Variants in ZDHHC17 observed in about 807,000 individuals in gnomAD.
ZDHHC17 encodes zDHHC palmitoyltransferase 17.
In ZDHHC17, 40 loss-of-function variants were observed where a neutral mutation model predicts 90.3. That is an observed-to-expected ratio of 0.44 (90% CI 0.34 to 0.58). ZDHHC17 has a LOEUF of 0.58. ZDHHC17 is among the 20% of genes least tolerant of loss of function. The probability of loss-of-function intolerance (pLI) is 0.01; values close to 1 mark genes in which losing one functional copy is unlikely to be tolerated. For missense variants in ZDHHC17, 614 were observed against 780.8 expected (o/e 0.79, Z 2.55); for synonymous variants, 235 against 252.4 (o/e 0.93, Z 0.65).
intron 1 of ZDHHC17, among the ~76,000 whole-genome samples, chr12:76,786,834 A>T (rs1390552420): frequency 6.6e-6 from 1 of 152,200 alleles, no homozygotes; most frequent in South Asian, 2.1e-4. Flanking sequence ...TAATTCTGTT[A>T]CTTCCTTCCT....
intron 1 of ZDHHC17, among the ~76,000 whole-genome samples, chr12:76,774,590 A>G (rs1315956497): frequency 1.3e-5 from 2 of 152,128 alleles, no homozygotes; most frequent in Admixed American, 6.5e-5. Context: ...ACATTCTTCT[A>G]CTTAGTAGAG....
intron 1 of ZDHHC17, among the ~76,000 whole-genome samples, chr12:76,767,305 A>C (rs901659431): frequency 6.6e-6 from 1 of 152,238 alleles, no homozygotes; most frequent in Non-Finnish European, 1.5e-5. Context: ...CTCTCACACA[A>C]AAACAGTTTT....
At position 76,764,663 on chromosome 12, in the gene ZDHHC17, C is replaced by T. The variant is rs144913876; in HGVS notation, c.93+334C>T. On this transcript the variant is annotated intron_variant, in intron 1 of 16. Transcript: ENST00000426126. ...GTGGTTTTTGAACCGCAGCTTAGAC[C>T]CTAGTCTTGCTCCAAGCCTCTTGGG... 1.2e-3 allele frequency: 620 copies of T among 518,548 alleles called. 5 individuals carry two copies. Among genetic ancestry groups the T allele is most frequent in the Admixed American group, 2.7e-3 (116 of 42,456 alleles). The allele number at this position is 518,548 out of a possible 1,614,324, so 32.1% of individuals were successfully genotyped here.
chr12:76,781,802 A>G, intron 1 of ZDHHC17: 1 of 390,230 alleles, frequency 2.6e-6, no homozygotes. Context: ...ATGTAATACC[A>G]TTTAGCAATT....
intron 12 of ZDHHC17, chr12:76,844,884 G>A (rs1953475620): frequency 6.6e-6 from 1 of 152,076 alleles, no homozygotes; most frequent in Admixed American, 6.6e-5. Context: ...TCTAGCATTA[G>A]GACTGCCAGC....
intron 9 of ZDHHC17, 130 bp downstream of exon 9, chr12:76,827,180 T>C: frequency 4.0e-6 from 4 of 995,934 alleles, no homozygotes; most frequent in Non-Finnish European, 4.0e-6. Flanking sequence ...GACATCTGTA[T>C]GTGAAATATG....
chr12:76,783,535 G>A (rs1049978128), intron 1 of ZDHHC17, among the ~76,000 whole-genome samples: 3 of 152,210 alleles, frequency 2.0e-5, no homozygotes, highest in Admixed American at 1.3e-4. Context: ...CAGGTGCTTC[G>A]CACAACACCT....
intron 1 of ZDHHC17, chr12:76,769,137 C>T: frequency 2.7e-6 from 1 of 376,518 alleles, no homozygotes; most frequent in South Asian, 1.8e-5. Flanking sequence ...CGGCTTACTG[C>T]AACCTCAGCC....
At chr12:76,789,207 A>G (rs926882147) in intron 1 of ZDHHC17, among the ~76,000 whole-genome samples, 8 of 152,222 alleles carry the variant, frequency 5.3e-5, no homozygotes, top group African/African-American at 1.4e-4. Flanking sequence ...GAAATATTAA[A>G]TGAGTTAAAG....
intron 1 of ZDHHC17, among the ~76,000 whole-genome samples, chr12:76,784,795 G>A (rs557651901): frequency 1.1e-4 from 17 of 152,134 alleles, no homozygotes. Flanking sequence ...GTCTTTACTA[G>A]TACGATCCTG....
In ZDHHC17 at chr12:76,797,551, TGTA is replaced by T. The variant is rs2137745945; in HGVS notation, c.197+17_197+19del. ...CAAGGCTACACAGTAAGGTTTTTGTTGTAGTTGTTTTCTTTGGCATGTGTATTT... is the reference window on the plus strand; with the variant it reads ...CAAGGCTACACAGTAAGGTTTTTGTTGTTGTTTTCTTTGGCATGTGTATTT... On this transcript the variant is annotated intron_variant, in intron 2 of 16. Transcript: ENST00000426126. 3 of 1,558,780 alleles carry T rather than the reference TGTA, an allele frequency of 1.9e-6. No individual in the cohort carries two copies. Among genetic ancestry groups the T allele is most frequent in the East Asian group, 4.6e-5 (2 of 43,736 alleles).
chr12:76,767,760 A>G (rs1184134153), intron 1 of ZDHHC17, among the ~76,000 whole-genome samples: 1 of 152,180 alleles, frequency 6.6e-6, no homozygotes, highest in African/African-American at 2.4e-5. Flanking sequence ...TCTCTATTAA[A>G]AATACAAAAT....
At position 76,787,254 on chromosome 12, in the gene ZDHHC17, T is replaced by C. The variant is rs373362358; in HGVS notation, c.94-10180T>C. The stretch of plus-strand genomic sequence containing the variant: ...AGAGTGAAGGTCACTTTCATAATAT[T>C]ATCATCAACTAGGAGATACATAAAA... On this transcript the variant is annotated intron_variant, in intron 1 of 16. Transcript: ENST00000426126. Among the ~76,000 whole-genome samples, 10 of 152,264 alleles carry C rather than the reference T, an allele frequency of 6.6e-5. 1 individual carries two copies. Among genetic ancestry groups the C allele is most frequent in the African/African-American group, 2.4e-4 (10 of 41,538 alleles).
intron 1 of ZDHHC17, among the ~76,000 whole-genome samples, chr12:76,780,779 A>G (rs894905213): frequency 6.6e-6 from 1 of 152,168 alleles, no homozygotes; most frequent in Non-Finnish European, 1.5e-5. Flanking sequence ...TCAGGGAAAT[A>G]CAAATCAAAC....
intron 10 of ZDHHC17, among the ~76,000 whole-genome samples, chr12:76,831,538 G>T (rs905341011): frequency 6.6e-6 from 1 of 152,072 alleles, no homozygotes; most frequent in Non-Finnish European, 1.5e-5. Context: ...TTTTAGTAGA[G>T]ACGGGGTTTC....
At chr12:76,796,676 T>C (rs2137744765) in intron 1 of ZDHHC17, among the ~76,000 whole-genome samples, 1 of 152,268 alleles carries the variant, frequency 6.6e-6, no homozygotes, top group African/African-American at 2.4e-5. Flanking sequence ...CTGAGAATAA[T>C]AGAAAAATAA....
chr12:76,813,316 T>C (rs752138579), intron 5 of ZDHHC17: 3 of 447,842 alleles, frequency 6.7e-6, no homozygotes, highest in South Asian at 4.8e-5. Flanking sequence ...GCCACAGGAT[T>C]ATTTTAAAAA....
At position 76,852,872 on chromosome 12, in the gene ZDHHC17, A is replaced by G. The variant is rs552929840; in HGVS notation, c.*1887A>G. On this transcript the variant is annotated 3_prime_UTR_variant, in exon 17 of 17. Transcript: ENST00000426126. Reference sequence around the variant, plus strand: ...TTGGTTAACTTTACAAATGTCAGCTAGTTTTGACTACTAATTGGGGGAAAT... The same window carrying G: ...TTGGTTAACTTTACAAATGTCAGCTGGTTTTGACTACTAATTGGGGGAAAT... 6.5e-6 allele frequency: 1 copy of G among 152,752 alleles called. No individual in the cohort carries two copies. The highest frequency in any genetic ancestry group is 2.4e-5 in the African/African-American group (1 of 41,580). The allele number at this position is 152,752 out of a possible 1,614,324, so 9.5% of individuals were successfully genotyped here.
At position 76,801,639 on chromosome 12, in the gene ZDHHC17, G is replaced by A. The variant is rs997580799; in HGVS notation, c.198-3678G>A. Among the ~76,000 whole-genome samples, 4 of 151,934 alleles carry A rather than the reference G, an allele frequency of 2.6e-5. No individual in the cohort carries two copies. The East Asian group carries it at 5.8e-4, about 22-fold the overall frequency. Reference sequence around the variant, plus strand: ...ACTGTGCTCCAGCCTGGGCTACACAGCAAGACTCTGTCTCAAAAAAGAAAA... The same window carrying A: ...ACTGTGCTCCAGCCTGGGCTACACAACAAGACTCTGTCTCAAAAAAGAAAA... On this transcript the variant is annotated intron_variant, in intron 2 of 16. Coordinates refer to ENST00000426126, the MANE Select transcript of ZDHHC17 (RefSeq NM_015336.4).
Sources: gnomAD v4.1 joint callset for allele counts (sites outside exome capture counted in the v4.1 genomes callset) on GRCh38, gnomAD v4.1.1 for gene constraint, MANE v1.5 for transcripts, NCBI Gene and HGNC (gene_info 2026-07-23, HGNC 2026-07-21) for gene names.